Variants in ADAMTS7 observed in about 807,000 individuals in gnomAD.
ADAMTS7 encodes the protein ADAM metallopeptidase with thrombospondin type 1 motif 7, also known as A disintegrin and metalloproteinase with thrombospondin motifs 7.
ADAMTS7 carries 89 observed loss-of-function variants against 172.6 expected under a neutral mutation model. The observed-to-expected ratio is 0.52, with a 90% CI of 0.43 to 0.61. ADAMTS7 has a LOEUF of 0.61. Ranked by LOEUF, ADAMTS7 falls within the 20% of genes least tolerant of loss-of-function variation. The pLI, the probability that ADAMTS7 is intolerant of heterozygous loss-of-function variation, is 0.00. For missense variants in ADAMTS7, 1,973 were observed against 2,355.6 expected (o/e 0.84, Z 3.36); for synonymous variants, 885 against 978.4 (o/e 0.90, Z 1.78).
intron 4 of ADAMTS7, among the ~76,000 whole-genome samples, chr15:78,793,277 A>G (rs1463002790): frequency 6.6e-6 from 1 of 151,800 alleles, no homozygotes; most frequent in Non-Finnish European, 1.5e-5. Context: ...CTGCCTGCCT[A>G]TTCTGTTGGG....
chr15:78,799,729 C>G (rs1339931654), intron 2 of ADAMTS7, among the ~76,000 whole-genome samples: 1 of 152,180 alleles, frequency 6.6e-6, no homozygotes, highest in Non-Finnish European at 1.5e-5. Context: ...TTTCAGAAAT[C>G]CAAGTGTTTG....
At chr15:78,797,574 C>A (rs1375595892) in intron 3 of ADAMTS7, among the ~76,000 whole-genome samples, 2 of 152,206 alleles carry the variant, frequency 1.3e-5, no homozygotes, top group Non-Finnish European at 2.9e-5. Context: ...AAGTTCCTGG[C>A]TAGTGGCCCT....
At chr15:78,795,748 G>A (rs1368794791) in intron 4 of ADAMTS7, among the ~76,000 whole-genome samples, 2 of 152,164 alleles carry the variant, frequency 1.3e-5, no homozygotes, top group Non-Finnish European at 2.9e-5. Flanking sequence ...GAATGCCAGG[G>A]GCAGAGATCT....
rs187385110 is a variant in ADAMTS7, at chr15:78,787,705, T to C, written c.1322+526A>G. 5.2e-3 allele frequency among the ~76,000 whole-genome samples: 785 copies of C among 152,030 alleles called. 2 individuals are homozygous for C. Among genetic ancestry groups the C allele is most frequent in the Admixed American group, 0.013 (191 of 15,266 alleles). On this transcript the variant is annotated intron_variant, in intron 8 of 23. Transcript: ENST00000388820. ...ACAACAACAAAAACACCAGAACAAA[T>C]GAAGAGAACATGAAAAAAAAGGAGA...
intron 8 of ADAMTS7, among the ~76,000 whole-genome samples, chr15:78,782,667 G>C (rs548283740): frequency 9.9e-5 from 15 of 152,254 alleles, no homozygotes; most frequent in East Asian, 3.9e-4. Flanking sequence ...AGCTGACTTG[G>C]TAGAGTGATA....
intron 11 of ADAMTS7, among the ~76,000 whole-genome samples, chr15:78,775,405 T>C (rs1054332621): frequency 1.3e-5 from 2 of 152,090 alleles, no homozygotes; most frequent in Non-Finnish European, 1.5e-5. Flanking sequence ...CAGGCCACTC[T>C]TGGGTAAGCG....
intron 16 of ADAMTS7, 26 bp from the exon 17 acceptor site, chr15:78,768,285 G>T: frequency 6.2e-7 from 1 of 1,609,768 alleles, no homozygotes; most frequent in African/African-American, 1.3e-5. Context: ...CTCAGCCTGG[G>T]ACTGGCACCC....
At chr15:78,772,889 C>T (rs935265853) in intron 14 of ADAMTS7, among the ~76,000 whole-genome samples, 194 bp downstream of exon 14, 6 of 152,244 alleles carry the variant, frequency 3.9e-5, no homozygotes, top group African/African-American at 1.2e-4. Flanking sequence ...GAGGACTCCC[C>T]ATGGGGACAG....
chr15:78,771,539 G>A lies in ADAMTS7; in HGVS notation c.2376+46C>T. 1 of 1,559,222 alleles carries A rather than the reference G, an allele frequency of 6.4e-7. No homozygotes were observed. Among genetic ancestry groups the A allele is most frequent in the Non-Finnish European group, 8.6e-7 (1 of 1,157,488 alleles). On this transcript the variant is annotated intron_variant, in intron 15 of 23. Coordinates refer to ENST00000388820, the MANE Select transcript of ADAMTS7 (RefSeq NM_014272.5). This position sits in a 1 kb window ranked among gnomAD's most constrained non-coding sequence, Gnocchi z 4.9. The stretch of plus-strand genomic sequence containing the variant: ...CTGCCATGGAGGGTGCTGGGCCTGG[G>A]GACTCCGCCTCTGCTCCCCCCGCCT...
chr15:78,763,225 G>A (rs1397974061), intron 22 of ADAMTS7, among the ~76,000 whole-genome samples: 2 of 152,232 alleles, frequency 1.3e-5, no homozygotes, highest in Non-Finnish European at 2.9e-5. Flanking sequence ...AGACGCAAAC[G>A]CTGGCCCAGC....
At chr15:78,802,445 C>T (rs1019799402) in intron 1 of ADAMTS7, among the ~76,000 whole-genome samples, 10 of 152,214 alleles carry the variant, frequency 6.6e-5, no homozygotes, top group African/African-American at 2.4e-4. Flanking sequence ...AGAAAGACCA[C>T]CCCACTGGGG....
chr15:78,766,242 TTCC>T lies in ADAMTS7; in HGVS notation c.3666_3668del (p.Glu1223del), dbSNP rs1284464722. ...GGTGGGGTGCTCCTCGGCCCTTGGGTTCCTCATCATCCTTGAAAACCTCATTGG... is the reference window on the plus strand; with the variant it reads ...GGTGGGGTGCTCCTCGGCCCTTGGGTTCATCATCCTTGAAAACCTCATTGG... On this transcript the variant is annotated inframe_deletion, in exon 19 of 24. Coordinates refer to ENST00000388820, the MANE Select transcript of ADAMTS7 (RefSeq NM_014272.5). 15 of 1,611,424 alleles carry T rather than the reference TTCC, an allele frequency of 9.3e-6. No homozygotes were observed. Among genetic ancestry groups the T allele is most frequent in the South Asian group, 5.5e-5 (5 of 91,018 alleles).
Position 78,771,777 on chromosome 15 carries a change from T to C in ADAMTS7, c.2184A>G (p.Gln728=), listed in dbSNP as rs758690190. 10 of 1,612,746 alleles carry C rather than the reference T, an allele frequency of 6.2e-6. No homozygotes were observed. The highest frequency in any genetic ancestry group is 8.5e-6 in the Non-Finnish European group (10 of 1,179,992). ...GGAAGTTGGCAGCCTCGGCAACCTC[T>C]TGGATGCGGATCTCGCGTGCGCCCG... is the stretch of plus-strand genomic sequence containing the variant. ...IPAGAREIRI[Q]EVAEAANFLA... is the part of the protein sequence containing the mutation. Residue 728 remains glutamine (Q), a synonymous_variant, in exon 15 of 24, where the codon CAA becomes CAG. Coordinates refer to ENST00000388820, the MANE Select transcript of ADAMTS7 (RefSeq NM_014272.5). The surrounding 1 kb of genome is among the most constrained non-coding windows in gnomAD (Gnocchi z 4.9).
intron 1 of ADAMTS7, chr15:78,810,640 G>C (rs984482275): frequency 6.5e-6 from 1 of 152,826 alleles, no homozygotes; most frequent in African/African-American, 2.4e-5. Flanking sequence ...CGGTGGGCGG[G>C]AGCTGGGGGG....
chr15:78,788,999 G>A (rs955620836), intron 7 of ADAMTS7, among the ~76,000 whole-genome samples: 1 of 152,236 alleles, frequency 6.6e-6, no homozygotes, highest in African/African-American at 2.4e-5. Context: ...GCAGTACTGT[G>A]GCAGGCTGTT....
chr15:78,788,485 C>A, intron 7 of ADAMTS7, 111 bp from the exon 8 acceptor site: 1 of 1,329,650 alleles, frequency 7.5e-7, no homozygotes. Flanking sequence ...GCTGGTTCTG[C>A]CACCCAATGG....
rs534829860 is a variant in ADAMTS7, at chr15:78,796,279, C to A, written c.819+311G>T. ...GTGCAGGGAAACATGAAGGACCCAA[C>A]TAGTCTACAAGCCCCCCAGGCAAGC... On this transcript the variant is annotated intron_variant, in intron 4 of 23. Coordinates refer to ENST00000388820, the MANE Select transcript of ADAMTS7 (RefSeq NM_014272.5). Among the ~76,000 whole-genome samples, 73 of 152,286 alleles carry A rather than the reference C, an allele frequency of 4.8e-4. No homozygotes were observed. The South Asian group carries it at 0.015, about 31-fold the overall frequency.
chr15:78,796,834 G>A (rs1251112554), intron 3 of ADAMTS7, 48 bp from the exon 4 acceptor site: 2 of 1,521,982 alleles, frequency 1.3e-6, no homozygotes, highest in East Asian at 2.4e-5. Context: ...ACAGGCCCAG[G>A]GCACACGTCT....
At chr15:78,800,664 C>A (rs1002084844) in intron 1 of ADAMTS7, 117 bp from the exon 2 acceptor site, 96 of 908,306 alleles carry the variant, frequency 1.1e-4, no homozygotes, top group Non-Finnish European at 1.4e-4. Context: ...TATCTGGATT[C>A]AAATCCTCGC....
Sources: allele counts gnomAD v4.1 joint callset (sites outside exome capture counted in the v4.1 genomes callset), GRCh38; gene constraint gnomAD v4.1.1; non-coding constraint Gnocchi (gnomAD v3.1); transcripts MANE v1.5; gene names NCBI Gene and HGNC (gene_info 2026-07-23, HGNC 2026-07-21).